The following DENND1B variants were observed in gnomAD, a reference collection of about 807,000 sequenced individuals.
DENND1B encodes DENN domain containing 1B.
In DENND1B, 59 loss-of-function variants were observed where a neutral mutation model predicts 90.1. That is an observed-to-expected ratio of 0.65 (90% CI 0.53 to 0.81). DENND1B has a LOEUF of 0.81. Ranked by LOEUF, DENND1B falls within the 40% of genes least tolerant of loss-of-function variation. The pLI is 0.00. For missense variants in DENND1B, 862 were observed against 912.6 expected, an observed-to-expected ratio of 0.94 and a Z score of 0.71; for synonymous variants, 337 against 324.6, an observed-to-expected ratio of 1.04 and a Z score of -0.41.
At chr1:197,728,753 C>T (rs1176024740) in intron 2 of DENND1B, among the ~76,000 whole-genome samples, 1 of 152,148 alleles carries the variant, frequency 6.6e-6, no homozygotes, top group Non-Finnish European at 1.5e-5. Flanking sequence ...TTCCTCCCTT[C>T]ACAGAACAAT....
chr1:197,505,239 G>A lies in DENND1B; in HGVS notation c.*5221C>T, dbSNP rs1169594520. The A allele has an allele frequency of 6.6e-6, 1 of 151,536 alleles. No homozygotes were observed. Among genetic ancestry groups the A allele is most frequent in the Admixed American group, 6.6e-5 (1 of 15,164 alleles). 9.4% of individuals were successfully genotyped at this position (151,536 alleles called of 1,614,324 possible). On this transcript the variant is annotated 3_prime_UTR_variant, in exon 23 of 23. Coordinates refer to ENST00000620048, the MANE Select transcript of DENND1B (RefSeq NM_001195215.2). ...ATTATTAAATGGCTCTCAAAATAAC[G>A]TTATGGAAGTTACACTGTCAGAAGG...
intron 11 of DENND1B, among the ~76,000 whole-genome samples, chr1:197,616,239 A>G (rs937811487): frequency 2.0e-5 from 3 of 151,000 alleles, no homozygotes; most frequent in African/African-American, 7.3e-5. Context: ...TTAAATAAAT[A>G]AAGTTTAATT....
At chr1:197,573,757 T>G (rs563416779) in intron 15 of DENND1B, among the ~76,000 whole-genome samples, 32 of 152,284 alleles carry the variant, frequency 2.1e-4, no homozygotes, top group Admixed American at 4.6e-4. Flanking sequence ...TCCACCACTA[T>G]CAAGTCGGCT....
intron 20 of DENND1B, among the ~76,000 whole-genome samples, chr1:197,524,921 T>A (rs569266099): frequency 2.0e-5 from 3 of 152,184 alleles, no homozygotes; most frequent in Non-Finnish European, 4.4e-5. Flanking sequence ...TACAGACTGC[T>A]TTTACTGAAC....
At chr1:197,551,659 C>CA (rs1326215790) in intron 16 of DENND1B, among the ~76,000 whole-genome samples, 6 of 152,034 alleles carry the variant, frequency 3.9e-5, no homozygotes, top group African/African-American at 1.2e-4. Context: ...CTTATTGTCA[C>CA]AAAATGTCAT....
chr1:197,566,147 A>C (rs1291992401), intron 15 of DENND1B, among the ~76,000 whole-genome samples: 1 of 151,958 alleles, frequency 6.6e-6, no homozygotes, highest in Non-Finnish European at 1.5e-5. Flanking sequence ...CCTCTCCAGC[A>C]CCTGTTGTTT....
chr1:197,552,516 TTC>T lies in DENND1B; in HGVS notation c.1240+504_1240+505del, dbSNP rs1454856822. ...CTTATGGAATGGTAAACTGGAAACT[TTC>T]TTAATGCTGCAGTGATCTATAAAGT... On this transcript the variant is annotated intron_variant, in intron 16 of 22. Coordinates refer to ENST00000620048, the MANE Select transcript of DENND1B (RefSeq NM_001195215.2). The T allele has an allele frequency of 4.1e-6, 4 of 985,524 alleles. No homozygotes were observed. The East Asian group carries it at 4.5e-4, about 111-fold the overall frequency. 61.0% of individuals were successfully genotyped at this position (985,524 alleles called of 1,614,324 possible). A position where few individuals can be genotyped will look rare whatever the true frequency, so the allele number is the denominator to read the frequency against.
chr1:197,600,169 G>C (rs1286680708), intron 13 of DENND1B, among the ~76,000 whole-genome samples: 1 of 151,784 alleles, frequency 6.6e-6, no homozygotes, highest in African/African-American at 2.4e-5. Flanking sequence ...GCTGATCTGA[G>C]AGTGCGGACT....
intron 2 of DENND1B, chr1:197,735,773 T>G (rs1456947793): frequency 1.2e-6 from 2 of 1,611,648 alleles, no homozygotes; most frequent in African/African-American, 2.7e-5. Context: ...GGGGGAATCC[T>G]CGGCAGATAA....
intron 5 of DENND1B, among the ~76,000 whole-genome samples, chr1:197,661,498 C>T (rs965136536): frequency 1.3e-5 from 2 of 152,014 alleles, no homozygotes; most frequent in Admixed American, 1.3e-4. Flanking sequence ...GAGACCTAAT[C>T]TATTCAAAGA....
chr1:197,560,086 T>C (rs1672038921), intron 15 of DENND1B, among the ~76,000 whole-genome samples: 1 of 151,956 alleles, frequency 6.6e-6, no homozygotes, highest in South Asian at 2.1e-4. Context: ...CAGTGCAATG[T>C]ACTATTAAAA....
chr1:197,697,674 C>T (rs185206444), intron 3 of DENND1B, among the ~76,000 whole-genome samples: 1 of 151,782 alleles, frequency 6.6e-6, no homozygotes, highest in Non-Finnish European at 1.5e-5. Context: ...TCAGGAGACC[C>T]ATCTCACATG....
At chr1:197,619,837 A>AT (rs1254692500) in intron 10 of DENND1B, among the ~76,000 whole-genome samples, 1 of 151,198 alleles carries the variant, frequency 6.6e-6, no homozygotes, top group Non-Finnish European at 1.5e-5. Context: ...GAGTCACAAA[A>AT]TTTCTGCAAT....
intron 18 of DENND1B, among the ~76,000 whole-genome samples, chr1:197,542,569 T>G (rs565981576): frequency 6.6e-6 from 1 of 152,142 alleles, no homozygotes; most frequent in Admixed American, 6.6e-5. Flanking sequence ...ATAAATGAGA[T>G]AGAGGTAAAA....
upstream of DENND1B, among the ~76,000 whole-genome samples, chr1:197,778,194 T>G (rs1217726061): frequency 6.6e-6 from 1 of 152,228 alleles, no homozygotes; most frequent in Non-Finnish European, 1.5e-5. Context: ...CCTTAGATTC[T>G]AAACAGTTTT....
chr1:197,548,757 T>C lies in DENND1B; in HGVS notation c.1241-1984A>G, dbSNP rs142512286. Among the ~76,000 whole-genome samples the C allele has an allele frequency of 4.0e-3, 604 of 152,124 alleles. 7 individuals carry two copies. Among genetic ancestry groups the C allele is most frequent in the African/African-American group, 0.014 (571 of 41,476 alleles). On this transcript the variant is annotated intron_variant, in intron 16 of 22. Transcript: ENST00000620048. ...CTCTGTATCACACCCAAAGCAATTA[T>C]ATTTGAAAGGGAAAGGGGCTGCTCA...
chr1:197,585,237 C>T (rs1322851355), intron 14 of DENND1B, among the ~76,000 whole-genome samples: 1 of 152,026 alleles, frequency 6.6e-6, no homozygotes, highest in Non-Finnish European at 1.5e-5. Context: ...ATAAAAATAG[C>T]AAATGAGCTA....
At chr1:197,695,631 A>C (rs896740632) in intron 3 of DENND1B, among the ~76,000 whole-genome samples, 1 of 151,030 alleles carries the variant, frequency 6.6e-6, no homozygotes, top group African/African-American at 2.4e-5. Flanking sequence ...AATTGGTTCA[A>C]GACATTTCAT....
intron 3 of DENND1B, among the ~76,000 whole-genome samples, chr1:197,677,530 A>C (rs1282537862): frequency 6.6e-6 from 1 of 152,044 alleles, no homozygotes; most frequent in Non-Finnish European, 1.5e-5. Context: ...TTAATCACTC[A>C]CCAAGTCCTT....
Sources: gnomAD v4.1 joint callset for allele counts (sites outside exome capture counted in the v4.1 genomes callset) on GRCh38, gnomAD v4.1.1 for gene constraint, MANE v1.5 for transcripts, NCBI Gene and HGNC (gene_info 2026-07-23, HGNC 2026-07-21) for gene names.